Variants in DNER observed in about 807,000 individuals in gnomAD.
DNER encodes delta/notch like EGF repeat containing, also known as delta and Notch-like epidermal growth factor-related receptor.
A neutral mutation model predicts 78.2 loss-of-function variants in DNER; 33 were observed. The ratio of observed to expected loss-of-function variants is 0.42; its 90% confidence interval spans 0.32 to 0.56. DNER has a LOEUF of 0.56. Ranked by LOEUF, DNER falls within the 20% of genes least tolerant of loss-of-function variation. The probability of loss-of-function intolerance (pLI) is 0.11; values close to 1 mark genes in which losing one functional copy is unlikely to be tolerated. For missense variants in DNER, 918 were observed against 975.3 expected (o/e 0.94, Z 0.78); for synonymous variants, 417 against 384.8 (o/e 1.08, Z -0.98).
At chr2:229,689,768 G>C (rs1699538167) in intron 1 of DNER, among the ~76,000 whole-genome samples, 1 of 152,174 alleles carries the variant, frequency 6.6e-6, no homozygotes, top group Admixed American at 6.6e-5. Flanking sequence ...AGCAACCTCA[G>C]AGAATGTGAA....
chr2:229,594,857 TG>T (rs1181239679), intron 1 of DNER, among the ~76,000 whole-genome samples: 1 of 151,118 alleles, frequency 6.6e-6, no homozygotes, highest in Non-Finnish European at 1.5e-5. Context: ...AATGCTTTTT[TG>T]AGAAAAATGT....
intron 5 of DNER, among the ~76,000 whole-genome samples, chr2:229,520,021 G>A (rs565702100): frequency 6.6e-6 from 1 of 152,270 alleles, no homozygotes; most frequent in East Asian, 1.9e-4. Flanking sequence ...TATACATAAA[G>A]CGCCTAATTG....
chr2:229,358,784 A>C (rs866727596), intron 12 of DNER, 133 bp from the exon 13 acceptor site: 1 of 697,862 alleles, frequency 1.4e-6, no homozygotes, highest in African/African-American at 1.8e-5. Flanking sequence ...AAGCATAGAA[A>C]CTTTAGACAT....
At chr2:229,485,509 G>A (rs561825396) in intron 6 of DNER, among the ~76,000 whole-genome samples, 2 of 152,124 alleles carry the variant, frequency 1.3e-5, no homozygotes, top group Non-Finnish European at 2.9e-5. Flanking sequence ...AGAGAAGAGT[G>A]GCTAAGTTTG....
At chr2:229,659,087 T>C (rs972349522) in intron 1 of DNER, among the ~76,000 whole-genome samples, 2 of 152,302 alleles carry the variant, frequency 1.3e-5, no homozygotes, top group African/African-American at 2.4e-5. Context: ...CAGTCATTGA[T>C]GAAGAAAACT....
At chr2:229,360,442 G>T (rs187081914) in intron 12 of DNER, among the ~76,000 whole-genome samples, 1 of 151,914 alleles carries the variant, frequency 6.6e-6, no homozygotes, top group African/African-American at 2.4e-5. Context: ...ACAGAGTCTC[G>T]CACTGTTGCC....
chr2:229,367,374 G>A (rs946784768), intron 11 of DNER, among the ~76,000 whole-genome samples: 1 of 152,020 alleles, frequency 6.6e-6, no homozygotes, highest in Non-Finnish European at 1.5e-5. Flanking sequence ...GCTGAGGCAG[G>A]TGGATCACTT....
chr2:229,443,908 T>G (rs1363861332), intron 8 of DNER, among the ~76,000 whole-genome samples: 3 of 152,174 alleles, frequency 2.0e-5, no homozygotes, highest in Non-Finnish European at 4.4e-5. Context: ...TAAGATGCCT[T>G]TTTTATTTTA....
At chr2:229,564,895 T>A (rs894259827) in intron 4 of DNER, among the ~76,000 whole-genome samples, 1 of 152,186 alleles carries the variant, frequency 6.6e-6, no homozygotes, top group African/African-American at 2.4e-5. Flanking sequence ...ACAAGTAGAT[T>A]GAGTTCCACT....
chr2:229,653,373 T>C (rs1478411414), intron 1 of DNER, among the ~76,000 whole-genome samples: 1 of 152,228 alleles, frequency 6.6e-6, no homozygotes, highest in African/African-American at 2.4e-5. Context: ...TTCCGGTTTT[T>C]GTTTTTGTAG....
chr2:229,409,207 T>C (rs887460534), intron 9 of DNER, among the ~76,000 whole-genome samples: 3 of 152,174 alleles, frequency 2.0e-5, no homozygotes, highest in Non-Finnish European at 2.9e-5. Context: ...ATTGAAAGAA[T>C]AAAAAGCAGA....
intron 11 of DNER, among the ~76,000 whole-genome samples, chr2:229,374,660 C>T (rs953411047): frequency 6.6e-6 from 1 of 152,148 alleles, no homozygotes; most frequent in African/African-American, 2.4e-5. Flanking sequence ...CAGGGTTACA[C>T]ACAGTAAGTG....
chr2:229,373,802 A>AGTT (rs905775825), intron 11 of DNER, among the ~76,000 whole-genome samples: 3 of 152,234 alleles, frequency 2.0e-5, no homozygotes, highest in African/African-American at 7.2e-5. Flanking sequence ...ATATGGATGC[A>AGTT]GTTGAAGGCC....
At chr2:229,656,416 G>C (rs546942345) in intron 1 of DNER, among the ~76,000 whole-genome samples, 1 of 152,126 alleles carries the variant, frequency 6.6e-6, no homozygotes, top group East Asian at 1.9e-4. Flanking sequence ...GGAATGAATG[G>C]GATCACCTCT....
intron 6 of DNER, among the ~76,000 whole-genome samples, chr2:229,494,182 C>T (rs1004838114): frequency 6.6e-5 from 10 of 152,206 alleles, no homozygotes; most frequent in Admixed American, 6.5e-4. Context: ...ACACAAAATA[C>T]ATTCATTCCT....
chr2:229,533,896 C>G (rs1696354392), intron 5 of DNER, among the ~76,000 whole-genome samples: 2 of 152,212 alleles, frequency 1.3e-5, no homozygotes, highest in Non-Finnish European at 2.9e-5. Context: ...ACAAGCTTGA[C>G]AGATTCCCAA....
At chr2:229,474,440 C>A (rs1302296774) in intron 7 of DNER, among the ~76,000 whole-genome samples, 1 of 152,146 alleles carries the variant, frequency 6.6e-6, no homozygotes, top group Non-Finnish European at 1.5e-5. Flanking sequence ...GAATAAAAGT[C>A]TTTGTAGTGG....
chr2:229,472,949 A>C (rs867978945), intron 7 of DNER, among the ~76,000 whole-genome samples: 2 of 152,236 alleles, frequency 1.3e-5, no homozygotes, highest in African/African-American at 4.8e-5. Context: ...AGGTGACTGC[A>C]GCTGGCTCTC....
At chr2:229,690,504 C>G (rs1699552273) in intron 1 of DNER, among the ~76,000 whole-genome samples, 1 of 152,204 alleles carries the variant, frequency 6.6e-6, no homozygotes, top group Admixed American at 6.5e-5. Flanking sequence ...CTGAATGGAA[C>G]TAGCATTTGA....
Sources: gnomAD v4.1 joint callset for allele counts (sites outside exome capture counted in the v4.1 genomes callset) on GRCh38, gnomAD v4.1.1 for gene constraint, MANE v1.5 for transcripts, NCBI Gene and HGNC (gene_info 2026-07-23, HGNC 2026-07-21) for gene names.